Variants in PCDHGB2 observed in about 807,000 individuals in gnomAD.
PCDHGB2 encodes protocadherin gamma subfamily B, 2.
A neutral mutation model predicts 59.3 loss-of-function variants in PCDHGB2; 55 were observed. The observed-to-expected ratio is 0.93, with a 90% CI of 0.75 to 1.16. The LOEUF is 1.16. PCDHGB2 is among the 50% of genes most tolerant of loss of function. The pLI is 0.00. For missense variants in PCDHGB2, 1,228 were observed against 1,198.5 expected, an observed-to-expected ratio of 1.02 and a Z score of -0.36; for synonymous variants, 516 against 512.0, an observed-to-expected ratio of 1.01 and a Z score of -0.11.
rs2095935492 is a variant in PCDHGB2 at position 141,415,755 on chromosome 5, T to TG, written c.2421+53199_2421+53200insG. ...GTTTATTAAGGTTTTTTTTTTTTTT[T>TG]TTTTTTTTTTTTTTTTTACTTTCTG... On this transcript the variant is annotated intron_variant, in intron 1 of 3. Coordinates refer to ENST00000522605, the MANE Select transcript of PCDHGB2 (RefSeq NM_018923.3). 10 of 1,387,646 alleles carry TG rather than the reference T, an allele frequency of 7.2e-6. No individual in the cohort carries two copies. The African/African-American group carries it at 1.4e-4, about 19-fold the overall frequency. The allele number at this position is 1,387,646 out of a possible 1,614,324, so 86.0% of individuals were successfully genotyped here.
At chr5:141,389,240 G>A (rs903029281) in intron 1 of PCDHGB2, 4 of 1,613,902 alleles carry the variant, frequency 2.5e-6, no homozygotes, top group African/African-American at 1.3e-5. Context: ...TTTTCTCACA[G>A]TCTTCCTATA....
intron 1 of PCDHGB2, among the ~76,000 whole-genome samples, chr5:141,397,238 C>A (rs2093493095): frequency 6.6e-6 from 1 of 151,972 alleles, no homozygotes; most frequent in African/African-American, 2.4e-5. Flanking sequence ...AGAAGAGCAA[C>A]GTAGTAGGGT....
At chr5:141,464,415 C>A (rs1185416197) in intron 1 of PCDHGB2, among the ~76,000 whole-genome samples, 2 of 150,854 alleles carry the variant, frequency 1.3e-5, no homozygotes, top group Admixed American at 6.6e-5. Context: ...ATATATATAT[C>A]TATATATATA....
chr5:141,423,943 G>GA, intron 1 of PCDHGB2: 1 of 1,211,382 alleles, frequency 8.3e-7, no homozygotes, highest in Non-Finnish European at 1.0e-6. Flanking sequence ...GAAGTAAGTT[G>GA]AATTTTAGTA....
intron 1 of PCDHGB2, chr5:141,404,727 T>G (rs762980421): frequency 6.2e-7 from 1 of 1,613,912 alleles, no homozygotes; most frequent in Non-Finnish European, 8.5e-7. Flanking sequence ...ACCAAGGTGG[T>G]GGCAGTGGAC....
chr5:141,509,979 T>C (rs908103989), intron 3 of PCDHGB2, among the ~76,000 whole-genome samples: 4 of 152,204 alleles, frequency 2.6e-5, no homozygotes, highest in African/African-American at 7.2e-5. Context: ...CTTCTAACAC[T>C]TGGTTCCCTC....
chr5:141,428,082 G>A lies in PCDHGB2; in HGVS notation c.2421+65526G>A, dbSNP rs776612130. 2.5e-6 allele frequency: 4 copies of A among 1,609,030 alleles called. No individual in the cohort carries two copies. In the African/African-American group the frequency reaches 5.3e-5, roughly 21 times the overall value. On this transcript the variant is annotated intron_variant, in intron 1 of 3. Transcript: ENST00000522605. ...GGTGGACGCAGATTCGGGACACAACGCTTGGCTGTCCTACCACGTGCTGCA... is the reference window on the plus strand; with the variant it reads ...GGTGGACGCAGATTCGGGACACAACACTTGGCTGTCCTACCACGTGCTGCA...
chr5:141,376,001 C>A lies in PCDHGB2; in HGVS notation c.2421+13445C>A, dbSNP rs1554084237. On this transcript the variant is annotated intron_variant, in intron 1 of 3. Transcript: ENST00000522605. ...CCTGCTGGACAGAGACGCGCTCAAGCAGAGCCTAGTGGTGGCCGTCCAGGA... is the reference window on the plus strand; with the variant it reads ...CCTGCTGGACAGAGACGCGCTCAAGAAGAGCCTAGTGGTGGCCGTCCAGGA... 10 of 1,613,362 alleles carry A rather than the reference C, an allele frequency of 6.2e-6. No homozygotes were observed. The Admixed American group carries it at 1.7e-4, about 27-fold the overall frequency.
intron 2 of PCDHGB2, among the ~76,000 whole-genome samples, chr5:141,502,905 A>T (rs1364939091): frequency 1.5e-5 from 2 of 131,814 alleles, no homozygotes; most frequent in Non-Finnish European, 3.0e-5. Flanking sequence ...CTCTGTTGCC[A>T]GGCTGGAGTG....
At chr5:141,419,570 G>A (rs751047365) in intron 1 of PCDHGB2, 3 of 1,611,764 alleles carry the variant, frequency 1.9e-6, no homozygotes, top group Non-Finnish European at 2.5e-6. Flanking sequence ...GGGTCCCGAC[G>A]GCTCCGCGCT....
At chr5:141,484,968 C>A (rs2099604490) in intron 1 of PCDHGB2, 2 of 585,734 alleles carry the variant, frequency 3.4e-6, no homozygotes, top group African/African-American at 3.7e-5. Context: ...GCCCGGGAGC[C>A]GCTGTCTGCC....
At chr5:141,481,531 G>A (rs1342825952) in intron 1 of PCDHGB2, among the ~76,000 whole-genome samples, 2 of 152,206 alleles carry the variant, frequency 1.3e-5, no homozygotes, top group African/African-American at 4.8e-5. Context: ...AAAATCTAGA[G>A]ATGGGGCTGG....
intron 1 of PCDHGB2, among the ~76,000 whole-genome samples, chr5:141,435,245 G>A (rs577996994): frequency 6.6e-6 from 1 of 152,132 alleles, no homozygotes; most frequent in Admixed American, 6.5e-5. Context: ...ATTCTTTCTG[G>A]CCATTAGGGA....
chr5:141,495,642 C>T (rs1294293252), intron 2 of PCDHGB2, among the ~76,000 whole-genome samples: 1 of 152,208 alleles, frequency 6.6e-6, no homozygotes. Flanking sequence ...TTTCATTTGT[C>T]TACTTGCATT....
rs776773140 is a variant in PCDHGB2, at chr5:141,476,589, G to T, written c.2422-18218G>T. The T allele has an allele frequency of 6.2e-7, 1 of 1,614,246 alleles. No individual in the cohort carries two copies. Among genetic ancestry groups the T allele is most frequent in the South Asian group, 1.1e-5 (1 of 91,090 alleles). On this transcript the variant is annotated intron_variant, in intron 1 of 3. Coordinates refer to ENST00000522605, the MANE Select transcript of PCDHGB2 (RefSeq NM_018923.3). This position sits in a 1 kb window ranked among gnomAD's most constrained non-coding sequence, Gnocchi z 7.6. ...CCGGGGACGCGCTTTCCGCTCGAGA[G>T]CGCGCACGATCCCGATGTGGGAAGC...
chr5:141,420,934 C>A (rs2096533899), intron 1 of PCDHGB2: 2 of 377,936 alleles, frequency 5.3e-6, no homozygotes, highest in South Asian at 5.3e-5. Flanking sequence ...TGAGCGTAAT[C>A]ATTTCTTCTG....
intron 2 of PCDHGB2, among the ~76,000 whole-genome samples, chr5:141,502,947 G>A (rs933409229): frequency 3.0e-4 from 45 of 151,030 alleles, no homozygotes; most frequent in Admixed American, 1.8e-3. Context: ...GGGTTCAAGC[G>A]ATTCTCCTGC....
chr5:141,376,088 C>T lies in PCDHGB2; in HGVS notation c.2421+13532C>T, dbSNP rs527893060. 5.1e-5 allele frequency: 83 copies of T among 1,613,666 alleles called. No homozygotes were observed. The highest frequency in any genetic ancestry group is 2.0e-4 in the East Asian group (9 of 44,878). On this transcript the variant is annotated intron_variant, in intron 1 of 3. Coordinates refer to ENST00000522605, the MANE Select transcript of PCDHGB2 (RefSeq NM_018923.3). Reference sequence around the variant, plus strand: ...CACCGTGGCCGTGGCCGACAGGATCCCCGACATCCTGGCCGACCTGGGCAG... The same window carrying T: ...CACCGTGGCCGTGGCCGACAGGATCTCCGACATCCTGGCCGACCTGGGCAG...
At chr5:141,428,081 C>G (rs768842388) in intron 1 of PCDHGB2, 3 of 1,609,218 alleles carry the variant, frequency 1.9e-6, no homozygotes, top group South Asian at 2.2e-5. Context: ...CGGGACACAA[C>G]GCTTGGCTGT....
Sources: allele counts gnomAD v4.1 joint callset (sites outside exome capture counted in the v4.1 genomes callset), GRCh38; gene constraint gnomAD v4.1.1; non-coding constraint Gnocchi (gnomAD v3.1); transcripts MANE v1.5; gene names NCBI Gene and HGNC (gene_info 2026-07-23, HGNC 2026-07-21).